Variants in DSCAM observed in about 807,000 individuals in gnomAD.
DSCAM encodes the protein cell adhesion molecule DSCAM.
In DSCAM, 47 loss-of-function variants were observed where a neutral mutation model predicts 217.7. The observed-to-expected ratio is 0.22, with a 90% CI of 0.17 to 0.28. The LOEUF is 0.28. DSCAM is among the 10% of genes least tolerant of loss of function. The pLI is 1.00. For synonymous variants in DSCAM, 1,056 were observed against 1,015.3 expected (o/e 1.04, Z -0.76); for missense variants, 2,080 against 2,618.3 (o/e 0.79, Z 4.49).
At chr21:40,263,328 A>G (rs937930414) in intron 11 of DSCAM, among the ~76,000 whole-genome samples, 1 of 152,218 alleles carries the variant, frequency 6.6e-6, no homozygotes, top group African/African-American at 2.4e-5. Flanking sequence ...ACGTGTGAGC[A>G]GAGCAAAGAA....
intron 3 of DSCAM, among the ~76,000 whole-genome samples, chr21:40,680,733 G>A (rs538338721): frequency 1.3e-5 from 2 of 152,326 alleles, no homozygotes; most frequent in South Asian, 4.1e-4. Context: ...CAAATATTCT[G>A]TAAATACTCT....
intron 19 of DSCAM, among the ~76,000 whole-genome samples, chr21:40,133,140 C>T (rs944714920): frequency 5.3e-5 from 8 of 152,222 alleles, no homozygotes; most frequent in Admixed American, 2.0e-4. Flanking sequence ...CTCACTACCA[C>T]GGTAGTATTT....
intron 20 of DSCAM, among the ~76,000 whole-genome samples, chr21:40,116,206 T>C (rs912638162): frequency 6.6e-6 from 1 of 152,118 alleles, no homozygotes; most frequent in Non-Finnish European, 1.5e-5. Flanking sequence ...GAAAAACTAC[T>C]AATGGGTATT....
chr21:40,121,838 T>A (rs2090038444), intron 20 of DSCAM, among the ~76,000 whole-genome samples: 1 of 151,912 alleles, frequency 6.6e-6, no homozygotes, highest in Non-Finnish European at 1.5e-5. Flanking sequence ...ATTACAGGCA[T>A]GTACCACCAC....
At chr21:40,762,278 A>G (rs1310002748) in intron 1 of DSCAM, among the ~76,000 whole-genome samples, 1 of 152,220 alleles carries the variant, frequency 6.6e-6, no homozygotes, top group Non-Finnish European at 1.5e-5. Flanking sequence ...GATAAAGGGG[A>G]TATCACCACT....
chr21:40,268,207 C>T (rs1337695749), intron 11 of DSCAM, among the ~76,000 whole-genome samples: 3 of 152,196 alleles, frequency 2.0e-5, no homozygotes, highest in Admixed American at 1.3e-4. Flanking sequence ...ATTTGTGCTG[C>T]ATGACGGTGA....
chr21:40,448,584 C>A (rs1033262524), intron 3 of DSCAM, among the ~76,000 whole-genome samples: 1 of 151,984 alleles, frequency 6.6e-6, no homozygotes, highest in Non-Finnish European at 1.5e-5. Context: ...AATAATCAAT[C>A]TATTTATCTA....
intron 3 of DSCAM, among the ~76,000 whole-genome samples, chr21:40,637,340 AATAT>A (rs1170508273): frequency 7.9e-5 from 1 of 12,674 alleles, no homozygotes; most frequent in Non-Finnish European, 1.2e-4. Flanking sequence ...TATATATAAA[AATAT>A]ATATAAATAT....
At chr21:40,747,298 AAC>A (rs1491231137) in intron 1 of DSCAM, among the ~76,000 whole-genome samples, 94 of 150,268 alleles carry the variant, frequency 6.3e-4, no homozygotes, top group African/African-American at 2.0e-3. Flanking sequence ...ATAAAAAAAA[AAC>A]AACAAACCTT....
At chr21:40,164,167 A>C (rs531535638) in intron 16 of DSCAM, among the ~76,000 whole-genome samples, 1 of 152,304 alleles carries the variant, frequency 6.6e-6, no homozygotes, top group East Asian at 1.9e-4. Flanking sequence ...AGCCATCGCC[A>C]AGAGCAATGG....
At chr21:40,128,048 C>T (rs779144382) in intron 19 of DSCAM, among the ~76,000 whole-genome samples, 17 of 151,708 alleles carry the variant, frequency 1.1e-4, no homozygotes, top group Non-Finnish European at 2.5e-4. Flanking sequence ...CTTCCCTGAT[C>T]ACCAGCTTAG....
At chr21:40,047,530 G>C (rs867263747) in intron 30 of DSCAM, among the ~76,000 whole-genome samples, 13 of 152,160 alleles carry the variant, frequency 8.5e-5, no homozygotes, top group Non-Finnish European at 1.9e-4. Flanking sequence ...TCTGCCCATT[G>C]AATCAGATTA....
Position 40,075,313 on chromosome 21 carries a change from G to C in DSCAM, c.4712-100C>G. On this transcript the variant is annotated intron_variant, in intron 26 of 32. Coordinates refer to ENST00000400454, the MANE Select transcript of DSCAM (RefSeq NM_001389.5). Reference sequence around the variant, plus strand: ...TAAAAATCGCGCTGTGTGATCCAAGGGTGTTGGAGGTGATGAGAAATGAAA... The same window carrying C: ...TAAAAATCGCGCTGTGTGATCCAAGCGTGTTGGAGGTGATGAGAAATGAAA... 9 of 1,250,562 alleles carry C rather than the reference G, an allele frequency of 7.2e-6. No individual in the cohort carries two copies. The South Asian group carries it at 1.0e-4, about 14-fold the overall frequency. 77.5% of individuals were successfully genotyped at this position (1,250,562 alleles called of 1,614,324 possible).
chr21:40,491,055 G>A (rs570912950), intron 3 of DSCAM, among the ~76,000 whole-genome samples: 1 of 152,232 alleles, frequency 6.6e-6, no homozygotes, highest in Admixed American at 6.5e-5. Context: ...CTGCCCCCGT[G>A]TTTTAAGATG....
chr21:40,743,144 G>A (rs2091141040), intron 1 of DSCAM, among the ~76,000 whole-genome samples: 2 of 152,140 alleles, frequency 1.3e-5, no homozygotes, highest in Non-Finnish European at 2.9e-5. Flanking sequence ...AATACAGAGT[G>A]GCTGAATCAA....
At chr21:40,300,837 A>AT (rs2074007229) in intron 9 of DSCAM, among the ~76,000 whole-genome samples, 1 of 152,194 alleles carries the variant, frequency 6.6e-6, no homozygotes, top group Non-Finnish European at 1.5e-5. Flanking sequence ...GGAATCCAAT[A>AT]TTTTGCCTTT....
Position 40,428,984 on chromosome 21 carries a change from A to G in DSCAM, c.509-59739T>C, listed in dbSNP as rs901046180. 2.0e-5 allele frequency among the ~76,000 whole-genome samples: 3 copies of G among 152,076 alleles called. No individual in the cohort carries two copies. In the South Asian group the frequency reaches 6.2e-4, roughly 31 times the overall value. Reference sequence around the variant, plus strand: ...AACCCCTTGCAGCATGGCACTTTTGACAGCCCCCACATGGCTACTGAGTAC... The same window carrying G: ...AACCCCTTGCAGCATGGCACTTTTGGCAGCCCCCACATGGCTACTGAGTAC... On this transcript the variant is annotated intron_variant, in intron 3 of 32. Coordinates refer to ENST00000400454, the MANE Select transcript of DSCAM (RefSeq NM_001389.5).
intron 11 of DSCAM, among the ~76,000 whole-genome samples, chr21:40,226,276 G>C (rs777060533): frequency 6.6e-6 from 1 of 152,174 alleles, no homozygotes; most frequent in Non-Finnish European, 1.5e-5. Context: ...ACAATGTGCG[G>C]ACACAAATGT....
intron 3 of DSCAM, among the ~76,000 whole-genome samples, chr21:40,607,400 ATTTTTTTTTTTT>A (rs58893055): frequency 8.3e-6 from 1 of 121,154 alleles, no homozygotes; most frequent in African/African-American, 3.0e-5. Context: ...TTTAATTCTG[ATTTTTTTTTTTT>A]TTTTTTTTAG....
Sources: allele counts gnomAD v4.1 joint callset (sites outside exome capture counted in the v4.1 genomes callset), GRCh38; gene constraint gnomAD v4.1.1; transcripts MANE v1.5; gene names NCBI Gene and HGNC (gene_info 2026-07-23, HGNC 2026-07-21).